Variants in RAB11FIP3 observed in about 807,000 individuals in gnomAD.
RAB11FIP3 encodes RAB11 family interacting protein 3.
In RAB11FIP3, 17 loss-of-function variants were observed where a neutral mutation model predicts 77.8. The observed-to-expected ratio is 0.22, with a 90% CI of 0.15 to 0.33. The LOEUF (loss-of-function observed/expected upper bound fraction) is 0.33. RAB11FIP3 is among the 10% of genes least tolerant of loss of function. The pLI, the probability that RAB11FIP3 is intolerant of heterozygous loss-of-function variation, is 1.00. For missense variants in RAB11FIP3, 1,005 were observed against 1,011.2 expected (o/e 0.99, Z 0.08); for synonymous variants, 437 against 448.2 (o/e 0.98, Z 0.31).
rs1408369391 is a variant in RAB11FIP3, at chr16:519,898, ACCCACCCTGCCCCACGCCCAGTCCTGCG to A, written c.1860+12_1860+39del. 2 of 1,576,064 alleles carry A rather than the reference ACCCACCCTGCCCCACGCCCAGTCCTGCG, an allele frequency of 1.3e-6. No homozygotes were observed. Among genetic ancestry groups the A allele is most frequent in the Non-Finnish European group, 1.7e-6 (2 of 1,161,318 alleles). On this transcript the variant is annotated splice_region_variant and intron_variant, in intron 11 of 13. Transcript: ENST00000262305. ...CAAGGAGGCCACCCAGGAGGTGAGC[ACCCACCCTGCCCCACGCCCAGTCCTGCG>A]CCCAGCCTGCCCCACGGGGAGCCTT... is the stretch of plus-strand genomic sequence containing the variant.
chr16:466,151 G>A (rs1371206118), intron 2 of RAB11FIP3, among the ~76,000 whole-genome samples: 2 of 152,196 alleles, frequency 1.3e-5, no homozygotes, highest in African/African-American at 4.8e-5. Flanking sequence ...CTGGCAGAGC[G>A]TGTTCCTGGG....
Position 521,863 on chromosome 16 carries a change from A to C in RAB11FIP3, c.*1024A>C, listed in dbSNP as rs2032707836. On this transcript the variant is annotated 3_prime_UTR_variant, in exon 14 of 14. Coordinates refer to ENST00000262305, the MANE Select transcript of RAB11FIP3 (RefSeq NM_014700.4). Reference sequence around the variant, plus strand: ...CCCGAGGGTGCATGTTGCAGGAGGGAGAGGGCAGGGAAGACTCACAGCAGA... The same window carrying C: ...CCCGAGGGTGCATGTTGCAGGAGGGCGAGGGCAGGGAAGACTCACAGCAGA... 6.6e-6 allele frequency: 1 copy of C among 152,046 alleles called. No individual in the cohort carries two copies. 9.4% of individuals were successfully genotyped at this position (152,046 alleles called of 1,614,324 possible).
Position 514,031 on chromosome 16 carries a change from C to T in RAB11FIP3, c.1640+3231C>T, listed in dbSNP as rs1383101970. Among the ~76,000 whole-genome samples the T allele has an allele frequency of 6.6e-6, 1 of 152,220 alleles. No individual in the cohort carries two copies. The highest frequency in any genetic ancestry group is 2.4e-5 in the African/African-American group (1 of 41,458). On this transcript the variant is annotated intron_variant, in intron 9 of 13. Transcript: ENST00000262305. This position sits in a 1 kb window ranked among gnomAD's most constrained non-coding sequence, Gnocchi z 4.6. ...GGACATCCTGCCGCCTCTGTGTGCT[C>T]TGGTGTGGAGGGGCACAAGATAGGG...
intron 5 of RAB11FIP3, among the ~76,000 whole-genome samples, chr16:494,354 G>A (rs2030907522): frequency 1.3e-5 from 2 of 151,758 alleles, no homozygotes; most frequent in Admixed American, 6.6e-5. Flanking sequence ...TGGGTGCGGT[G>A]GCTCATGCCC....
chr16:492,365 C>T (rs2030399080), intron 5 of RAB11FIP3, among the ~76,000 whole-genome samples: 1 of 145,552 alleles, frequency 6.9e-6, no homozygotes, highest in Non-Finnish European at 1.5e-5. Flanking sequence ...GAGGGTCTTC[C>T]CGGGAGACCC....
At position 510,659 on chromosome 16, in the gene RAB11FIP3, G is replaced by T; in HGVS notation, c.1500-1G>T. ...CTCAGCTCCTCCCTTTGCCTTTCAA[G>T]AGCAAACGCCCTGGAGGAGCAGCTG... On this transcript the variant is annotated splice_acceptor_variant, in intron 8 of 13. Coordinates refer to ENST00000262305, the MANE Select transcript of RAB11FIP3 (RefSeq NM_014700.4). LOFTEE classifies it high-confidence loss of function. 6.2e-7 allele frequency: 1 copy of T among 1,601,524 alleles called. No individual in the cohort carries two copies. Among genetic ancestry groups the T allele is most frequent in the East Asian group, 2.3e-5 (1 of 44,362 alleles).
rs1237606946 is a variant in RAB11FIP3, at chr16:461,144, C to T, written c.715-260C>T. Among the ~76,000 whole-genome samples the T allele has an allele frequency of 2.6e-5, 4 of 152,186 alleles. No individual in the cohort carries two copies. The highest frequency in any genetic ancestry group is 1.9e-4 in the East Asian group (1 of 5,194). ...GGATGATACTGTTCAGATCATCCGG[C>T]GTTAGAGTCTCATAAGGAGCGCGCA... On this transcript the variant is annotated intron_variant, in intron 1 of 13. Coordinates refer to ENST00000262305, the MANE Select transcript of RAB11FIP3 (RefSeq NM_014700.4). This position sits in a 1 kb window ranked among gnomAD's most constrained non-coding sequence, Gnocchi z 4.5.
chr16:482,645 G>T lies in RAB11FIP3; in HGVS notation c.1024G>T (p.Ala342Ser), dbSNP rs200846343. Residue 342 changes from alanine (A) to serine (S), a missense_variant, in exon 4 of 14, where the codon GCA (alanine) becomes TCA (serine). Physicochemically the swap from Ala to Ser is moderately conservative, Grantham distance 99. Coordinates refer to ENST00000262305, the MANE Select transcript of RAB11FIP3 (RefSeq NM_014700.4). Reference sequence around the variant, plus strand: ...CCCTGAGCTGCAACCTGAAGGGGACGCAGACAGTGCCGGCGGCTCGGCCGT... The same window carrying T: ...CCCTGAGCTGCAACCTGAAGGGGACTCAGACAGTGCCGGCGGCTCGGCCGT... ...VHPELQPEGDADSAGGSAVPS... is the reference protein window; with the variant it reads ...VHPELQPEGDSDSAGGSAVPS... The T allele has an allele frequency of 6.2e-7, 1 of 1,613,242 alleles. No homozygotes were observed. Among genetic ancestry groups the T allele is most frequent in the Non-Finnish European group, 8.5e-7 (1 of 1,180,048 alleles).
At position 476,278 on chromosome 16, in the gene RAB11FIP3, A is replaced by G. The variant is rs139280817; in HGVS notation, c.903+4889A>G. On this transcript the variant is annotated intron_variant, in intron 3 of 13. Coordinates refer to ENST00000262305, the MANE Select transcript of RAB11FIP3 (RefSeq NM_014700.4). ...TCTGAGTTTGTGTAGAATCTGCCTC[A>G]TTGTTCCTGTGTCCGTGGAGAATTC... is the stretch of plus-strand genomic sequence containing the variant. Among the ~76,000 whole-genome samples, 563 of 152,248 alleles carry G rather than the reference A, an allele frequency of 3.7e-3. 4 individuals are homozygous for G. The highest frequency in any genetic ancestry group is 0.012 in the African/African-American group (513 of 41,542).
At chr16:503,188 A>G (rs1567401405) in intron 7 of RAB11FIP3, 91 bp downstream of exon 7, 1 of 1,039,414 alleles carries the variant, frequency 9.6e-7, no homozygotes, top group East Asian at 2.6e-5. Flanking sequence ...GGAGGTGGGG[A>G]CAGCACAGCC....
rs891990737 is a variant in RAB11FIP3, at chr16:521,119, C to G, written c.*280C>G. 1.9e-6 allele frequency: 1 copy of G among 513,056 alleles called. No individual in the cohort carries two copies. The highest frequency in any genetic ancestry group is 3.5e-6 in the Non-Finnish European group (1 of 282,988). 31.8% of individuals were successfully genotyped at this position (513,056 alleles called of 1,614,324 possible). On this transcript the variant is annotated 3_prime_UTR_variant, in exon 14 of 14. Transcript: ENST00000262305. ...CCATCAGCGCTGACCTTCCGGGGGC[C>G]CAGAGCTTCCCAGCCCTGAGTCAAG...
Position 493,836 on chromosome 16 carries a change from C to A in RAB11FIP3, c.1266-2988C>A, listed in dbSNP as rs1173500399. Among the ~76,000 whole-genome samples, 3 of 148,306 alleles carry A rather than the reference C, an allele frequency of 2.0e-5. No homozygotes were observed. In the East Asian group the frequency reaches 6.1e-4, roughly 30 times the overall value. ...CTCAATCTCCGGACCTCGTGATCCG[C>A]CCGCCTTGACCCCCCAAAGTGCTGG... On this transcript the variant is annotated intron_variant, in intron 5 of 13. Coordinates refer to ENST00000262305, the MANE Select transcript of RAB11FIP3 (RefSeq NM_014700.4).
chr16:462,493 C>T (rs1462476038), intron 2 of RAB11FIP3, among the ~76,000 whole-genome samples: 1 of 152,142 alleles, frequency 6.6e-6, no homozygotes, highest in Non-Finnish European at 1.5e-5. Context: ...CCTCAGCCTC[C>T]CAAGGCTGAG....
chr16:452,066 T>C (rs1420609132), intron 1 of RAB11FIP3, among the ~76,000 whole-genome samples: 1 of 151,850 alleles, frequency 6.6e-6, no homozygotes, highest in Non-Finnish European at 1.5e-5. Context: ...GGAGAATCAT[T>C]TGAACCTCGG....
chr16:492,424 T>TC (rs1438148090), intron 5 of RAB11FIP3, among the ~76,000 whole-genome samples: 1 of 53,706 alleles, frequency 1.9e-5, no homozygotes, highest in African/African-American at 1.3e-4. Context: ...CCCAGGGCCC[T>TC]CCCCGGGAGA....
intron 1 of RAB11FIP3, among the ~76,000 whole-genome samples, chr16:441,995 C>A (rs972044591): frequency 6.6e-6 from 1 of 152,160 alleles, no homozygotes; most frequent in Admixed American, 6.6e-5. Context: ...CCCGCCACCA[C>A]GCCTGGCTAA....
In RAB11FIP3 at chr16:522,374, C is replaced by T. The variant is rs1255200027; in HGVS notation, c.*1535C>T. 1 of 151,868 alleles carries T rather than the reference C, an allele frequency of 6.6e-6. No homozygotes were observed. The highest frequency in any genetic ancestry group is 1.5e-5 in the Non-Finnish European group (1 of 67,958). The allele number at this position is 151,868 out of a possible 1,614,324, so 9.4% of individuals were successfully genotyped here. On this transcript the variant is annotated 3_prime_UTR_variant, in exon 14 of 14. Transcript: ENST00000262305. ...TGCTGTCACTGTAAGCATGGACTCC[C>T]AGGAGACAGTGTGGGAAACGCTCCT...
Position 505,493 on chromosome 16 carries a change from C to T in RAB11FIP3, c.1396-31C>T. On this transcript the variant is annotated intron_variant, in intron 7 of 13. Transcript: ENST00000262305. The surrounding 1 kb of genome is among the most constrained non-coding windows in gnomAD (Gnocchi z 4.0). ...GTGCAGGCCCTTCTGCTTCTGGCTG[C>T]CTGACCCTGAAGCCTGGTCTCATTG... The T allele has an allele frequency of 6.4e-7, 1 of 1,571,666 alleles. No individual in the cohort carries two copies.
At chr16:436,643 A>G (rs2055133012) in intron 1 of RAB11FIP3, among the ~76,000 whole-genome samples, 1 of 152,158 alleles carries the variant, frequency 6.6e-6, no homozygotes, top group African/African-American at 2.4e-5. Flanking sequence ...CAGCACACCC[A>G]GCTAACTTTT....
Sources: gnomAD v4.1 joint callset for allele counts (sites outside exome capture counted in the v4.1 genomes callset) on GRCh38, gnomAD v4.1.1 for gene constraint, Gnocchi (gnomAD v3.1) non-coding constraint, MANE v1.5 for transcripts, NCBI Gene and HGNC (gene_info 2026-07-23, HGNC 2026-07-21) for gene names.